Variants in HERC2 observed in about 807,000 individuals in gnomAD.
HERC2 encodes the protein HECT and RLD domain containing E3 ubiquitin protein ligase 2, also known as E3 ubiquitin-protein ligase HERC2.
Under a neutral mutation model 537.7 loss-of-function variants are expected in HERC2, and 102 were observed. The ratio of observed to expected loss-of-function variants is 0.19; its 90% confidence interval spans 0.16 to 0.22. The LOEUF is 0.22. Among genes scored for constraint, HERC2 ranks in the 10% least tolerant of loss-of-function variants. The pLI, the probability that HERC2 is intolerant of heterozygous loss-of-function variation, is 1.00. For synonymous variants in HERC2, 2,224 were observed against 2,466.2 expected (o/e 0.90, Z 2.91); for missense variants, 4,236 against 6,198.2 (o/e 0.68, Z 10.63).
chr15:28,121,340 T>C lies in HERC2; in HGVS notation c.13272+6A>G, dbSNP rs1566913690. 3.7e-6 allele frequency: 6 copies of C among 1,613,058 alleles called. No individual in the cohort carries two copies. In the Admixed American group the frequency reaches 1.0e-4, roughly 27 times the overall value. On this transcript the variant is annotated splice_donor_region_variant and intron_variant, in intron 86 of 92. Transcript: ENST00000261609. ...TCAGACTTGGAGAGTAATCTCCATG[T>C]GCTACCTGGATGCGGTTCAGCTCCA... is the stretch of plus-strand genomic sequence containing the variant.
At position 28,308,366 on chromosome 15, in the gene HERC2, G is replaced by A. The variant is rs530912954; in HGVS notation, c.73-8850C>T. Among the ~76,000 whole-genome samples the A allele has an allele frequency of 5.9e-5, 9 of 152,244 alleles. No homozygotes were observed. In the East Asian group the frequency reaches 1.7e-3, roughly 29 times the overall value. On this transcript the variant is annotated intron_variant, in intron 2 of 92. Coordinates refer to ENST00000261609, the MANE Select transcript of HERC2 (RefSeq NM_004667.6). ...TTCTTTTTCATATTGTTTACTGTTG[G>A]CACACAGAAATGCTACTGATTTTTG...
At chr15:28,228,159 A>T in intron 35 of HERC2, 59 bp downstream of exon 35, 2 of 1,443,124 alleles carry the variant, frequency 1.4e-6, no homozygotes, top group Non-Finnish European at 9.5e-7. Flanking sequence ...AGAAAAGAAA[A>T]GAAATCAAAG....
intron 4 of HERC2, among the ~76,000 whole-genome samples, chr15:28,290,791 A>C (rs1274577750): frequency 2.0e-5 from 3 of 152,236 alleles, no homozygotes; most frequent in African/African-American, 7.2e-5. Flanking sequence ...ACATTTCCAA[A>C]TTTGTGAAAT....
At position 28,141,772 on chromosome 15, in the gene HERC2, A is replaced by G. The variant is rs140835326; in HGVS notation, c.11775T>C (p.Phe3925=). ...CAAGTTGTTCGTCTTGCTCTCTTTT[A>G]AAAATGTCATGGCTCTCATGCAGAA... The part of the protein sequence containing the change: ...MDVLHESHDI[F]KREQDEQLVQ... Residue 3925 remains phenylalanine (F), a synonymous_variant, in exon 77 of 93, where the codon TTT becomes TTC. Transcript: ENST00000261609. 4.8e-5 allele frequency: 77 copies of G among 1,614,074 alleles called. No homozygotes were observed. Among genetic ancestry groups the G allele is most frequent in the Non-Finnish European group, 6.0e-5 (71 of 1,180,048 alleles).
At chr15:28,282,772 A>C (rs1008385814) in intron 4 of HERC2, among the ~76,000 whole-genome samples, 5 of 152,130 alleles carry the variant, frequency 3.3e-5, no homozygotes, top group Non-Finnish European at 4.4e-5. Context: ...TCTCTATTAA[A>C]AATACAAAAC....
At chr15:28,204,333 T>C (rs1317895003) in intron 45 of HERC2, among the ~76,000 whole-genome samples, 2 of 152,090 alleles carry the variant, frequency 1.3e-5, no homozygotes, top group African/African-American at 2.4e-5. Context: ...CAGCAAAAGA[T>C]AGATTTGGCC....
At chr15:28,160,465 T>G (rs1366371636) in intron 69 of HERC2, among the ~76,000 whole-genome samples, 1 of 152,208 alleles carries the variant, frequency 6.6e-6, no homozygotes, top group Admixed American at 6.5e-5. Context: ...GCTGCTGCCT[T>G]GTAGTTCGAT....
At chr15:28,302,091 C>T (rs2076653248) in intron 2 of HERC2, among the ~76,000 whole-genome samples, 1 of 148,254 alleles carries the variant, frequency 6.7e-6, no homozygotes, top group South Asian at 2.2e-4. Context: ...AGCCACTGTG[C>T]CCAGCCCTAT....
chr15:28,196,131 A>G, intron 52 of HERC2, 84 bp downstream of exon 52: 1 of 1,375,470 alleles, frequency 7.3e-7, no homozygotes, highest in Non-Finnish European at 1.0e-6. Context: ...GAACCTTAAA[A>G]TAACAAATTC....
chr15:28,249,021 T>C (rs1904002695), intron 20 of HERC2, among the ~76,000 whole-genome samples: 1 of 152,220 alleles, frequency 6.6e-6, no homozygotes, highest in South Asian at 2.1e-4. Context: ...GCAGAAGATC[T>C]TGCTTCCAAA....
chr15:28,204,933 A>G (rs574295150), intron 45 of HERC2, among the ~76,000 whole-genome samples: 2 of 152,190 alleles, frequency 1.3e-5, no homozygotes, highest in Admixed American at 6.5e-5. Flanking sequence ...AGGCAGGGGG[A>G]AAAAACAATA....
At chr15:28,134,992 G>T (rs544699159) in intron 79 of HERC2, among the ~76,000 whole-genome samples, 1 of 152,064 alleles carries the variant, frequency 6.6e-6, no homozygotes, top group Non-Finnish European at 1.5e-5. Context: ...TATTTTATAT[G>T]GTGGTTTAGT....
rs181061349 is a variant in HERC2 at position 28,251,047 on chromosome 15, G to A, written c.3051-2311C>T. 1.4e-3 allele frequency among the ~76,000 whole-genome samples: 211 copies of A among 152,308 alleles called. 1 individual carries two copies. The highest frequency in any genetic ancestry group is 4.8e-3 in the African/African-American group (199 of 41,548). ...CACAGGAACCAAAAAGTCACATGCA[G>A]CAAGGATGAAGACACAGGAGACAAC... On this transcript the variant is annotated intron_variant, in intron 20 of 92. Transcript: ENST00000261609.
At chr15:28,199,016 G>A (rs185381644) in intron 48 of HERC2, among the ~76,000 whole-genome samples, 461 of 152,160 alleles carry the variant, frequency 3.0e-3, no homozygotes, top group Admixed American at 6.5e-3. Context: ...ACGTGGCGGT[G>A]CATGCCTGTG....
chr15:28,178,236 G>A (rs1895484656), intron 59 of HERC2, among the ~76,000 whole-genome samples: 1 of 152,176 alleles, frequency 6.6e-6, no homozygotes, highest in Non-Finnish European at 1.5e-5. Flanking sequence ...GGGCTGCGTG[G>A]GCAGGAGGGC....
chr15:28,135,294 C>T (rs1175406874), intron 79 of HERC2, among the ~76,000 whole-genome samples, 184 bp downstream of exon 79: 3 of 152,136 alleles, frequency 2.0e-5, no homozygotes, highest in Non-Finnish European at 4.4e-5. Context: ...ACAGAGGAAT[C>T]ATACGGGTAA....
At chr15:28,154,564 A>T (rs1892790658) in intron 69 of HERC2, among the ~76,000 whole-genome samples, 1 of 152,140 alleles carries the variant, frequency 6.6e-6, no homozygotes, top group Admixed American at 6.5e-5. Context: ...CAAGCACATC[A>T]TCTGCAGAGG....
intron 72 of HERC2, among the ~76,000 whole-genome samples, 200 bp from the exon 73 acceptor site, chr15:28,144,435 T>G (rs1457794604): frequency 6.6e-6 from 1 of 152,160 alleles, no homozygotes; most frequent in African/African-American, 2.4e-5. Context: ...GCCTAAGAAC[T>G]GCACCAGCAA....
chr15:28,116,174 C>T (rs1888220974), intron 88 of HERC2, among the ~76,000 whole-genome samples: 1 of 152,114 alleles, frequency 6.6e-6, no homozygotes, highest in Non-Finnish European at 1.5e-5. Context: ...CGTTCGCTTC[C>T]ACAATGTTGG....
Sources: allele counts gnomAD v4.1 joint callset (sites outside exome capture counted in the v4.1 genomes callset), GRCh38; gene constraint gnomAD v4.1.1; transcripts MANE v1.5; gene names NCBI Gene and HGNC (gene_info 2026-07-23, HGNC 2026-07-21).